The following IRF8 variants were observed in gnomAD, a reference collection of about 807,000 sequenced individuals.
IRF8 encodes interferon regulatory factor 8.
A neutral mutation model predicts 48.7 loss-of-function variants in IRF8; 14 were observed. The ratio of observed to expected loss-of-function variants is 0.29; its 90% confidence interval spans 0.19 to 0.45. IRF8 has a LOEUF of 0.45. Ranked by LOEUF, IRF8 falls within the 20% of genes least tolerant of loss-of-function variation. IRF8 has a pLI of 1.00. For missense variants in IRF8, 493 were observed against 580.7 expected, an observed-to-expected ratio of 0.85 and a Z score of 1.55; for synonymous variants, 278 against 227.3, an observed-to-expected ratio of 1.22 and a Z score of -2.01.
At chr16:85,899,521 T>A (rs1054529067) in intron 1 of IRF8, among the ~76,000 whole-genome samples, 1 of 152,220 alleles carries the variant, frequency 6.6e-6, no homozygotes, top group Admixed American at 6.5e-5. Context: ...GGAGAGCTCA[T>A]ATAATGAACG....
chr16:85,911,474 T>TC, intron 3 of IRF8, 96 bp from the exon 4 acceptor site: 1 of 1,056,928 alleles, frequency 9.5e-7, no homozygotes, highest in East Asian at 2.4e-5. Flanking sequence ...ACTTAATGTT[T>TC]CCTTAAACTC....
intron 8 of IRF8, among the ~76,000 whole-genome samples, chr16:85,920,437 G>C (rs1378998801): frequency 6.6e-6 from 1 of 152,100 alleles, no homozygotes; most frequent in African/African-American, 2.4e-5. Context: ...TAGTAGAGAT[G>C]GGGTTTCACC....
chr16:85,918,260 A>G (rs1905385295), intron 6 of IRF8, 157 bp from the exon 7 acceptor site: 1 of 782,514 alleles, frequency 1.3e-6, no homozygotes, highest in South Asian at 1.8e-5. Context: ...TAAAAACATT[A>G]CTTCTACAAG....
In IRF8 at chr16:85,899,587, A is replaced by T. The variant is rs146874220; in HGVS notation, c.-2+364A>T. 2.5e-4 allele frequency among the ~76,000 whole-genome samples: 38 copies of T among 152,234 alleles called. No individual in the cohort carries two copies. The East Asian group carries it at 7.0e-3, about 28-fold the overall frequency. The stretch of plus-strand genomic sequence containing the variant: ...TCTATCATCCCACTGAAATTCTACC[A>T]CGTGGAATAATGCTTGGAGGGTCAG... On this transcript the variant is annotated intron_variant, in intron 1 of 8. Transcript: ENST00000268638.
intron 5 of IRF8, 66 bp downstream of exon 5, chr16:85,913,302 C>T: frequency 8.6e-7 from 1 of 1,163,954 alleles, no homozygotes; most frequent in Non-Finnish European, 1.3e-6. Flanking sequence ...TTCCACCAGC[C>T]AGGGACGGAG....
intron 6 of IRF8, among the ~76,000 whole-genome samples, chr16:85,914,772 G>A (rs1597254779): frequency 6.6e-6 from 1 of 151,684 alleles, no homozygotes; most frequent in East Asian, 1.9e-4. Context: ...GCTCCGTTCC[G>A]AGGATGAGCA....
intron 8 of IRF8, among the ~76,000 whole-genome samples, chr16:85,920,650 G>A (rs1039591326): frequency 1.3e-5 from 2 of 152,232 alleles, no homozygotes; most frequent in Non-Finnish European, 2.9e-5. Context: ...GTAGGAGGCA[G>A]GCCTGGGCAA....
intron 1 of IRF8, among the ~76,000 whole-genome samples, chr16:85,902,135 A>G (rs921258872): frequency 6.6e-6 from 1 of 152,064 alleles, no homozygotes; most frequent in Non-Finnish European, 1.5e-5. Flanking sequence ...AGAGTGGGAC[A>G]TGTTCTGGAA....
intron 7 of IRF8, 93 bp from the exon 8 acceptor site, chr16:85,920,015 GC>G: frequency 1.1e-6 from 1 of 904,506 alleles, no homozygotes; most frequent in Middle Eastern, 2.1e-4. Flanking sequence ...AATGCTACAA[GC>G]CCTGGGCCTC....
chr16:85,904,685 G>A (rs909424435), intron 2 of IRF8, among the ~76,000 whole-genome samples: 4 of 151,996 alleles, frequency 2.6e-5, no homozygotes, highest in East Asian at 1.9e-4. Flanking sequence ...GCCCCCACAC[G>A]TTCCAGATTC....
chr16:85,905,267 G>C (rs1292634657), intron 2 of IRF8, among the ~76,000 whole-genome samples: 3 of 152,192 alleles, frequency 2.0e-5, no homozygotes. Context: ...CATGGCAGAG[G>C]GTGCTGGACT....
At chr16:85,906,780 T>C (rs1482183579) in intron 2 of IRF8, among the ~76,000 whole-genome samples, 1 of 152,050 alleles carries the variant, frequency 6.6e-6, no homozygotes, top group Non-Finnish European at 1.5e-5. Context: ...TACTTGGCCA[T>C]GTTTGGAGAC....
intron 2 of IRF8, among the ~76,000 whole-genome samples, chr16:85,908,455 G>T (rs886968541): frequency 6.6e-6 from 1 of 152,036 alleles, no homozygotes; most frequent in East Asian, 1.9e-4. Context: ...GCACCTGGGG[G>T]GAAAAGTCTA....
intron 2 of IRF8, 61 bp downstream of exon 2, chr16:85,903,250 G>A: frequency 7.0e-7 from 1 of 1,437,124 alleles, no homozygotes; most frequent in Non-Finnish European, 9.7e-7. Flanking sequence ...TCATGGACTA[G>A]TGGAGATGTT....
rs1905421863 is a variant in IRF8 at position 85,918,755 on chromosome 16, G to C, written c.940G>C (p.Glu314Gln). Residue 314 changes from glutamate (E) to glutamine (Q), a missense_variant, in exon 7 of 9, where the codon GAG (glutamate) becomes CAG (glutamine). Physicochemically the swap from Glu to Gln is conservative, Grantham distance 29 (BLOSUM62 2). Around this residue, in one of 3 missense-constraint regions of IRF8, gnomAD observed 408 missense variants for 449.6 expected, o/e 0.91. Coordinates refer to ENST00000268638, the MANE Select transcript of IRF8 (RefSeq NM_002163.4). ...GTGCAAAGGCAGGCCCAACAAGCTGGAGCGTGATGAGGTGGTCCAGGTCTT... is the reference window on the plus strand; with the variant it reads ...GTGCAAAGGCAGGCCCAACAAGCTGCAGCGTGATGAGGTGGTCCAGGTCTT... ...VVCKGRPNKLERDEVVQVFDT... is the reference protein window; with the variant it reads ...VVCKGRPNKLQRDEVVQVFDT... 1.2e-6 allele frequency: 2 copies of C among 1,612,052 alleles called. No individual in the cohort carries two copies. Among genetic ancestry groups the C allele is most frequent in the Non-Finnish European group, 1.7e-6 (2 of 1,180,032 alleles).
chr16:85,920,662 A>G (rs1452107564), intron 8 of IRF8, among the ~76,000 whole-genome samples: 1 of 152,178 alleles, frequency 6.6e-6, no homozygotes, highest in South Asian at 2.1e-4. Flanking sequence ...CCTGGGCAAG[A>G]CCTTCAATAT....
intron 2 of IRF8, among the ~76,000 whole-genome samples, chr16:85,905,824 T>G (rs1286609025): frequency 6.6e-6 from 1 of 152,244 alleles, no homozygotes; most frequent in East Asian, 1.9e-4. Flanking sequence ...AGAAAGAAAT[T>G]TATGAGTTTG....
Position 85,900,429 on chromosome 16 carries a change from G to A in IRF8, c.-2+1206G>A, listed in dbSNP as rs77087166. Among the ~76,000 whole-genome samples the A allele has an allele frequency of 6.0e-3, 917 of 152,346 alleles. 6 individuals carry two copies. The highest frequency in any genetic ancestry group is 0.021 in the African/African-American group (869 of 41,564). ...CCTGGCTGGGCATTTGGTGGAATTC[G>A]TTTGTTAATGTTTAATAAATCATTA... On this transcript the variant is annotated intron_variant, in intron 1 of 8. Coordinates refer to ENST00000268638, the MANE Select transcript of IRF8 (RefSeq NM_002163.4).
intron 6 of IRF8, among the ~76,000 whole-genome samples, chr16:85,914,724 G>A (rs1434210662): frequency 6.6e-6 from 1 of 151,482 alleles, no homozygotes; most frequent in Non-Finnish European, 1.5e-5. Context: ...GTCTAGGCCT[G>A]GTTCTGAGGA....
Sources: gnomAD v4.1 joint callset for allele counts (sites outside exome capture counted in the v4.1 genomes callset) on GRCh38, gnomAD v4.1.1 for gene constraint, gnomAD v4.1.1 regional missense constraint, MANE v1.5 for transcripts, NCBI Gene and HGNC (gene_info 2026-07-23, HGNC 2026-07-21) for gene names.